Variants in ARHGEF28 observed in about 807,000 individuals in gnomAD.
ARHGEF28 encodes 190 kDa guanine nucleotide exchange factor.
In ARHGEF28, 152 loss-of-function variants were observed where a neutral mutation model predicts 206.6. The observed-to-expected ratio is 0.74, with a 90% CI of 0.64 to 0.84. The LOEUF (loss-of-function observed/expected upper bound fraction) is 0.84, where lower values mean the gene tolerates loss of function less well. ARHGEF28 is among the 40% of genes least tolerant of loss of function. The pLI is 0.00. For synonymous variants in ARHGEF28, 763 were observed against 776.4 expected (o/e 0.98, Z 0.29); for missense variants, 2,028 against 2,073.2 (o/e 0.98, Z 0.42).
intron 2 of ARHGEF28, among the ~76,000 whole-genome samples, chr5:73,719,048 G>A (rs1300035644): frequency 6.6e-6 from 1 of 152,080 alleles, no homozygotes; most frequent in Non-Finnish European, 1.5e-5. Context: ...CTTCTCTGGG[G>A]CCAAAACCCA....
intron 1 of ARHGEF28, among the ~76,000 whole-genome samples, chr5:73,648,125 G>T (rs1236326474): frequency 6.6e-6 from 1 of 152,202 alleles, no homozygotes; most frequent in East Asian, 1.9e-4. Context: ...TATTATTCTT[G>T]GGGGGATGGA....
intron 2 of ARHGEF28, among the ~76,000 whole-genome samples, chr5:73,713,598 T>C (rs1749386377): frequency 6.6e-6 from 1 of 152,176 alleles, no homozygotes; most frequent in Non-Finnish European, 1.5e-5. Context: ...GACATGTTTG[T>C]GAATATTATC....
At chr5:73,909,954 G>C (rs1042186152) in intron 34 of ARHGEF28, 57 bp downstream of exon 34, 6 of 1,462,298 alleles carry the variant, frequency 4.1e-6, no homozygotes, top group South Asian at 1.5e-5. Context: ...GTGGGCCTGG[G>C]GGCTCCTAGG....
At chr5:73,788,783 C>T (rs1754302825) in intron 7 of ARHGEF28, among the ~76,000 whole-genome samples, 1 of 152,116 alleles carries the variant, frequency 6.6e-6, no homozygotes, top group African/African-American at 2.4e-5. Flanking sequence ...TGGACTCATG[C>T]AGTTCAAACC....
At chr5:73,756,498 G>A (rs578079610) in intron 4 of ARHGEF28, among the ~76,000 whole-genome samples, 2 of 152,276 alleles carry the variant, frequency 1.3e-5, no homozygotes, top group African/African-American at 2.4e-5. Context: ...AATGTCAAGC[G>A]ACAGGGTTAA....
At chr5:73,847,456 G>A (rs890866827) in intron 12 of ARHGEF28, among the ~76,000 whole-genome samples, 2 of 152,080 alleles carry the variant, frequency 1.3e-5, no homozygotes, top group African/African-American at 4.8e-5. Context: ...CACAGATCCT[G>A]TATCCTTTAC....
rs765529857 is a variant in ARHGEF28, at chr5:73,749,962, C to A, written c.159C>A (p.Asn53Lys). Residue 53 changes from asparagine to lysine, a missense_variant, in exon 3 of 36, where the codon AAC (asparagine) becomes AAA (lysine). Asn to Lys is a moderately conservative substitution (Grantham distance 94, BLOSUM62 0). Transcript: ENST00000513042. ...TGATTGCAGAGCGCATCGAGGATAA[C>A]GTTCTCCAGTCCAGCGTCCCAGGTG... ...HVMIAERIED[N>K]VLQSSVPGHG... The A allele has an allele frequency of 2.5e-6, 4 of 1,613,816 alleles. No individual in the cohort carries two copies. In the African/African-American group the frequency reaches 5.3e-5, roughly 22 times the overall value.
intron 1 of ARHGEF28, among the ~76,000 whole-genome samples, chr5:73,669,447 T>C (rs1746169672): frequency 6.6e-6 from 1 of 152,158 alleles, no homozygotes; most frequent in African/African-American, 2.4e-5. Flanking sequence ...ATTCCCCCAA[T>C]GGAAACATTT....
intron 35 of ARHGEF28, among the ~76,000 whole-genome samples, chr5:73,913,490 C>T (rs1372308032): frequency 1.3e-5 from 2 of 152,180 alleles, no homozygotes; most frequent in African/African-American, 4.8e-5. Context: ...CCCTCCAGAG[C>T]TTTCACAGCT....
intron 1 of ARHGEF28, chr5:73,627,348 T>C (rs1363930407): frequency 6.6e-6 from 1 of 152,250 alleles, no homozygotes; most frequent in Non-Finnish European, 1.5e-5. Flanking sequence ...ATGGGGCCCC[T>C]GGCTTTCTGA....
intron 4 of ARHGEF28, among the ~76,000 whole-genome samples, chr5:73,767,929 A>G (rs1011306605): frequency 1.3e-5 from 2 of 152,102 alleles, no homozygotes; most frequent in Non-Finnish European, 2.9e-5. Context: ...TGTGCAGCCT[A>G]GGGACTTGGT....
At chr5:73,883,951 T>C in intron 24 of ARHGEF28, 67 bp downstream of exon 24, 2 of 897,648 alleles carry the variant, frequency 2.2e-6, no homozygotes, top group Non-Finnish European at 3.2e-6. Context: ...TGAGGTGTTC[T>C]AAACAGCCAT....
Position 73,630,440 on chromosome 5 carries a change from C to T in ARHGEF28, c.-12+4118C>T, listed in dbSNP as rs182101142. ...GTAAAATGCGGATAATAATAGTAAC[C>T]TGCTTCAACTGTTGTGAGGACTCCG... On this transcript the variant is annotated intron_variant, in intron 1 of 35. Coordinates refer to ENST00000513042, the MANE Select transcript of ARHGEF28 (RefSeq NM_001177693.2). Among the ~76,000 whole-genome samples the T allele has an allele frequency of 7.2e-5, 11 of 152,302 alleles. No homozygotes were observed. The East Asian group carries it at 2.1e-3, about 29-fold the overall frequency.
At chr5:73,895,898 C>T (rs1761934983) in intron 29 of ARHGEF28, among the ~76,000 whole-genome samples, 1 of 152,108 alleles carries the variant, frequency 6.6e-6, no homozygotes, top group African/African-American at 2.4e-5. Flanking sequence ...TAGAATCAGC[C>T]ATCTTTATTT....
chr5:73,718,764 C>T (rs1395844008), intron 2 of ARHGEF28, among the ~76,000 whole-genome samples: 3 of 152,214 alleles, frequency 2.0e-5, no homozygotes, highest in African/African-American at 7.2e-5. Context: ...CATCTTTCTT[C>T]TCACCAGGCT....
chr5:73,870,530 G>A (rs568966153), intron 21 of ARHGEF28, among the ~76,000 whole-genome samples: 2 of 152,280 alleles, frequency 1.3e-5, no homozygotes, highest in South Asian at 2.1e-4. Flanking sequence ...TTCCTTTCAA[G>A]TTTACTTAGG....
At position 73,794,369 on chromosome 5, in the gene ARHGEF28, A is replaced by G. The variant is rs761646181; in HGVS notation, c.911-33A>G. The G allele has an allele frequency of 4.5e-6, 7 of 1,556,880 alleles. No homozygotes were observed. The South Asian group carries it at 7.2e-5, about 16-fold the overall frequency. ...GTTGTTCTTCTTAACAAAAGCTCCCATCAGCAGATCCTGATAATTATTTCT... is the reference window on the plus strand; with the variant it reads ...GTTGTTCTTCTTAACAAAAGCTCCCGTCAGCAGATCCTGATAATTATTTCT... On this transcript the variant is annotated intron_variant, in intron 7 of 35. Transcript: ENST00000513042.
chr5:73,636,439 T>TC (rs1287708015), intron 1 of ARHGEF28, among the ~76,000 whole-genome samples: 2 of 152,224 alleles, frequency 1.3e-5, no homozygotes, highest in Non-Finnish European at 2.9e-5. Context: ...TAAGTTTTTT[T>TC]CCCCTCTCAC....
intron 28 of ARHGEF28, 31 bp from the exon 29 acceptor site, chr5:73,894,362 A>T (rs1260783738): frequency 6.4e-7 from 1 of 1,553,902 alleles, no homozygotes. Context: ...CATGTTAGTG[A>T]TAATCTTCTA....
Sources: gnomAD v4.1 joint callset for allele counts (sites outside exome capture counted in the v4.1 genomes callset) on GRCh38, gnomAD v4.1.1 for gene constraint, MANE v1.5 for transcripts, NCBI Gene and HGNC (gene_info 2026-07-23, HGNC 2026-07-21) for gene names.